The following SLC15A4 variants were observed in gnomAD, a reference collection of about 807,000 sequenced individuals.
SLC15A4 encodes the protein solute carrier family 15 member 4.
In SLC15A4, 26 loss-of-function variants were observed where a neutral mutation model predicts 46.1. That is an observed-to-expected ratio of 0.56 (90% CI 0.41 to 0.78). The LOEUF is 0.78. Among genes scored for constraint, SLC15A4 ranks in the 30% least tolerant of loss-of-function variants. The probability of loss-of-function intolerance (pLI) is 0.00; values close to 1 mark genes in which losing one functional copy is unlikely to be tolerated. For missense variants in SLC15A4, 751 were observed against 755.7 expected, an observed-to-expected ratio of 0.99 and a Z score of 0.07; for synonymous variants, 370 against 333.4, an observed-to-expected ratio of 1.11 and a Z score of -1.20.
chr12:128,798,516 G>A (rs537958914), intron 7 of SLC15A4, among the ~76,000 whole-genome samples: 4 of 152,344 alleles, frequency 2.6e-5, no homozygotes, highest in South Asian at 2.1e-4. Flanking sequence ...AGATTCTCAA[G>A]GGGATTTGTA....
rs765919379 is a variant in SLC15A4, at chr12:128,823,494, G to C, written c.450C>G (p.Ala150=). Residue 150 remains alanine, a synonymous_variant, in exon 1 of 8, where the codon GCC becomes GCG. Transcript: ENST00000266771. The stretch of plus-strand genomic sequence containing the variant: ...CGAAGGTGGCCGGTGAGCAGCAGCG[G>C]GCGGCGGCGTCGGGACCAGGCGCCG... ...NCTAPGPDAA[A]RCCSPATFAG... is the part of the protein sequence containing the mutation. 1 of 1,485,120 alleles carries C rather than the reference G, an allele frequency of 6.7e-7. No homozygotes were observed. Among genetic ancestry groups the C allele is most frequent in the South Asian group, 1.3e-5 (1 of 78,940 alleles). 92.0% of individuals were successfully genotyped at this position (1,485,120 alleles called of 1,614,324 possible).
chr12:128,808,775 G>A lies in SLC15A4; in HGVS notation c.1258+13C>T, dbSNP rs760832081. On this transcript the variant is annotated intron_variant, in intron 5 of 7. Coordinates refer to ENST00000266771, the MANE Select transcript of SLC15A4 (RefSeq NM_145648.4). ...GTCGGGCCTGAGGAGGAACGGAGCA[G>A]AATGCCTCTTACCTGCAGCAAAGGC... The A allele has an allele frequency of 5.6e-6, 9 of 1,613,594 alleles. No homozygotes were observed. In the Admixed American group the frequency reaches 1.5e-4, roughly 27 times the overall value.
chr12:128,800,239 T>C (rs1277082225), intron 6 of SLC15A4, among the ~76,000 whole-genome samples: 2 of 152,238 alleles, frequency 1.3e-5, no homozygotes, highest in Non-Finnish European at 2.9e-5. Flanking sequence ...TAGAAGTCCA[T>C]TCCGTTGTGA....
chr12:128,818,679 A>G (rs1373760818), intron 1 of SLC15A4, among the ~76,000 whole-genome samples: 2 of 152,238 alleles, frequency 1.3e-5, no homozygotes. Context: ...AGTAGTGTCT[A>G]GTATATTCAG....
intron 1 of SLC15A4, chr12:128,815,914 T>C (rs932571291): frequency 1.3e-5 from 2 of 152,238 alleles, no homozygotes; most frequent in African/African-American, 2.4e-5. Flanking sequence ...AGAGAGACAT[T>C]TGTTCAGTGA....
At chr12:128,801,277 T>G in intron 5 of SLC15A4, 1 of 305,426 alleles carries the variant, frequency 3.3e-6, no homozygotes, top group South Asian at 6.1e-5. Flanking sequence ...ATGTTTCATT[T>G]AATCCTCAAA....
chr12:128,812,309 C>CT (rs372071690), intron 2 of SLC15A4, among the ~76,000 whole-genome samples: 134 of 150,234 alleles, frequency 8.9e-4, no homozygotes, highest in African/African-American at 3.1e-3. Context: ...GGAGGCCCAA[C>CT]TTTTTTTTTT....
At chr12:128,799,566 C>G in intron 6 of SLC15A4, 149 bp from the exon 7 acceptor site, 1 of 761,488 alleles carries the variant, frequency 1.3e-6, no homozygotes, top group Non-Finnish European at 2.1e-6. Context: ...ATTAGGAGGA[C>G]GATGCTTACT....
intron 5 of SLC15A4, among the ~76,000 whole-genome samples, chr12:128,804,072 GT>G (rs1352235150): frequency 6.6e-6 from 1 of 152,106 alleles, no homozygotes; most frequent in African/African-American, 2.4e-5. Context: ...AATACCGTTG[GT>G]AGTATTACAA....
chr12:128,812,039 T>C (rs571414651), intron 2 of SLC15A4, among the ~76,000 whole-genome samples: 1 of 152,224 alleles, frequency 6.6e-6, no homozygotes, highest in Non-Finnish European at 1.5e-5. Flanking sequence ...GAAGGCCGCA[T>C]GTAGGTGTGT....
At chr12:128,794,424 A>T (rs1002230351) in intron 7 of SLC15A4, 68 bp from the exon 8 acceptor site, 16 of 1,468,862 alleles carry the variant, frequency 1.1e-5, no homozygotes, top group East Asian at 4.6e-5. Context: ...AGACTTTACT[A>T]TTTAATCTGG....
At chr12:128,809,583 C>T in intron 3 of SLC15A4, 110 bp from the exon 4 acceptor site, 8 of 671,890 alleles carry the variant, frequency 1.2e-5, no homozygotes, top group Non-Finnish European at 2.1e-5. Context: ...CAGTGACTCC[C>T]AGAAATAGAC....
intron 1 of SLC15A4, among the ~76,000 whole-genome samples, chr12:128,817,813 C>A (rs994144219): frequency 6.6e-6 from 1 of 152,142 alleles, no homozygotes; most frequent in Non-Finnish European, 1.5e-5. Context: ...ACCAAGGGAA[C>A]CTGGCTGCTG....
intron 1 of SLC15A4, 44 bp downstream of exon 1, chr12:128,823,354 G>T: frequency 7.4e-7 from 1 of 1,354,128 alleles, no homozygotes; most frequent in Non-Finnish European, 9.5e-7. Context: ...GGGCTGGGCA[G>T]GGGCTGGACA....
At chr12:128,810,430 G>A (rs894865317) in intron 2 of SLC15A4, 10 of 317,022 alleles carry the variant, frequency 3.2e-5, no homozygotes, top group African/African-American at 2.0e-4. Flanking sequence ...CTGCCAGCTC[G>A]GCAATCTCCG....
At position 128,800,757 on chromosome 12, in the gene SLC15A4, T is replaced by C. The variant is rs578014624; in HGVS notation, c.1414+97A>G. ...GCCAAAAACTACAGAAGTGCTGTGC[T>C]ATCCTTGTCTCAACATATTCCAACA... On this transcript the variant is annotated intron_variant, in intron 6 of 7. Coordinates refer to ENST00000266771, the MANE Select transcript of SLC15A4 (RefSeq NM_145648.4). The C allele has an allele frequency of 2.3e-6, 3 of 1,298,818 alleles. No homozygotes were observed. The South Asian group carries it at 4.5e-5, about 20-fold the overall frequency. 80.5% of individuals were successfully genotyped at this position (1,298,818 alleles called of 1,614,324 possible). A position where few individuals can be genotyped will look rare whatever the true frequency, so the allele number is the denominator to read the frequency against.
At chr12:128,816,201 G>A (rs768974007) in intron 1 of SLC15A4, among the ~76,000 whole-genome samples, 1 of 152,168 alleles carries the variant, frequency 6.6e-6, no homozygotes, top group South Asian at 2.1e-4. Flanking sequence ...GAGCCCAAGC[G>A]GTGGGAACAG....
intron 1 of SLC15A4, among the ~76,000 whole-genome samples, chr12:128,822,760 T>A (rs1287751563): frequency 6.6e-6 from 1 of 152,178 alleles, no homozygotes; most frequent in Non-Finnish European, 1.5e-5. Context: ...GGTCTCGAAC[T>A]CCTGACCTTA....
chr12:128,803,013 G>A (rs1272165091), intron 5 of SLC15A4, among the ~76,000 whole-genome samples: 3 of 152,154 alleles, frequency 2.0e-5, no homozygotes, highest in African/African-American at 7.2e-5. Context: ...GAGAGGCTGG[G>A]ACAGGCCGAA....
Sources: gnomAD v4.1 joint callset for allele counts (sites outside exome capture counted in the v4.1 genomes callset) on GRCh38, gnomAD v4.1.1 for gene constraint, MANE v1.5 for transcripts, NCBI Gene and HGNC (gene_info 2026-07-23, HGNC 2026-07-21) for gene names.